EYS: variants seen among roughly 807,000 people sequenced by gnomAD.
The protein encoded by EYS is EGF-like photoreceptor maintenance factor.
A neutral mutation model predicts 282.1 loss-of-function variants in EYS; 250 were observed. That is an observed-to-expected ratio of 0.89 (90% CI 0.80 to 0.98). EYS has a LOEUF of 0.98. EYS is among the 50% of genes least tolerant of loss of function. EYS has a pLI of 0.00. For synonymous variants in EYS, 1,355 were observed against 1,282.9 expected (o/e 1.06, Z -1.20); for missense variants, 4,016 against 3,709.0 (o/e 1.08, Z -2.15).
chr6:64,790,542 G>C (rs912157811), intron 22 of EYS, among the ~76,000 whole-genome samples: 17 of 151,796 alleles, frequency 1.1e-4, no homozygotes, highest in African/African-American at 3.4e-4. Context: ...TGACTGAAAA[G>C]AAATAAATTT....
At chr6:63,827,708 G>T (rs1460302005) in intron 36 of EYS, among the ~76,000 whole-genome samples, 1 of 151,886 alleles carries the variant, frequency 6.6e-6, no homozygotes, top group African/African-American at 2.4e-5. Context: ...GCCGGGCGCT[G>T]TGGCGGGCGC....
chr6:65,167,982 A>G (rs1331011867), intron 12 of EYS, among the ~76,000 whole-genome samples: 1 of 151,120 alleles, frequency 6.6e-6, no homozygotes, highest in Non-Finnish European at 1.5e-5. Flanking sequence ...CAGCTTGTCA[A>G]TCTTACCATT....
intron 19 of EYS, among the ~76,000 whole-genome samples, chr6:64,870,422 C>A (rs1766557081): frequency 7.2e-6 from 1 of 138,692 alleles, no homozygotes; most frequent in African/African-American, 2.7e-5. Context: ...CCCTCCTCCC[C>A]CCTCCAAAAA....
intron 8 of EYS, among the ~76,000 whole-genome samples, chr6:65,370,099 A>T (rs1765080095): frequency 6.6e-6 from 1 of 151,494 alleles, no homozygotes; most frequent in Admixed American, 6.7e-5. Flanking sequence ...TTAGTAGATC[A>T]GCATAGCATG....
At chr6:64,489,352 A>G (rs898246130) in intron 26 of EYS, among the ~76,000 whole-genome samples, 3 of 150,694 alleles carry the variant, frequency 2.0e-5, no homozygotes, top group African/African-American at 7.3e-5. Flanking sequence ...GTGGTCAGAC[A>G]ATTGAGCTTT....
At chr6:64,049,732 G>A (rs1355202273) in intron 33 of EYS, among the ~76,000 whole-genome samples, 2 of 152,188 alleles carry the variant, frequency 1.3e-5, no homozygotes, top group African/African-American at 2.4e-5. Flanking sequence ...GCACTTGGCG[G>A]AGAAACTAGA....
intron 13 of EYS, among the ~76,000 whole-genome samples, chr6:65,001,895 C>T (rs149977090): frequency 0.017 from 2,442 of 146,920 alleles, 343 homozygotes; most frequent in Admixed American, 0.14. Flanking sequence ...TTATGAAATA[C>T]ATTAATATAT....
At chr6:64,812,896 C>A (rs1311763547) in intron 22 of EYS, among the ~76,000 whole-genome samples, 1 of 151,788 alleles carries the variant, frequency 6.6e-6, no homozygotes, top group Admixed American at 6.6e-5. Context: ...TAAAACTATA[C>A]CTTTAAAAAG....
chr6:64,345,426 A>C (rs1771344551), intron 29 of EYS, among the ~76,000 whole-genome samples: 1 of 152,124 alleles, frequency 6.6e-6, no homozygotes, highest in African/African-American at 2.4e-5. Flanking sequence ...TCTTTGACAA[A>C]CCTCACAAAA....
intron 41 of EYS, among the ~76,000 whole-genome samples, chr6:63,750,461 C>T (rs1229195255): frequency 6.6e-6 from 1 of 152,208 alleles, no homozygotes; most frequent in Non-Finnish European, 1.5e-5. Flanking sequence ...ATCTCTTACT[C>T]TCCTTGGAAT....
intron 22 of EYS, among the ~76,000 whole-genome samples, chr6:64,653,811 C>T (rs7758641): frequency 0.042 from 6,282 of 151,292 alleles, 306 homozygotes; most frequent in African/African-American, 0.11. Context: ...GTGATCATCC[C>T]GCCTCTGCCT....
chr6:65,025,857 G>A (rs750269421), intron 13 of EYS, among the ~76,000 whole-genome samples: 16 of 152,220 alleles, frequency 1.1e-4, no homozygotes, highest in South Asian at 6.2e-4. Flanking sequence ...ATACAAAGGA[G>A]GACCATTAGA....
intron 13 of EYS, among the ~76,000 whole-genome samples, chr6:65,056,220 T>G (rs1773409650): frequency 6.6e-6 from 1 of 152,026 alleles, no homozygotes; most frequent in African/African-American, 2.4e-5. Context: ...ATCTCAGACT[T>G]TTGTGTTTAA....
chr6:63,849,265 G>A (rs956209433), intron 36 of EYS, among the ~76,000 whole-genome samples: 1 of 152,168 alleles, frequency 6.6e-6, no homozygotes, highest in Non-Finnish European at 1.5e-5. Flanking sequence ...CCCAGCTTCA[G>A]CATACTTAAA....
At chr6:65,638,671 G>A (rs1051621471) in intron 2 of EYS, among the ~76,000 whole-genome samples, 3 of 152,348 alleles carry the variant, frequency 2.0e-5, no homozygotes, top group East Asian at 3.9e-4. Flanking sequence ...GCTGCCCACC[G>A]CGCTGCAGCA....
intron 20 of EYS, among the ~76,000 whole-genome samples, chr6:64,821,946 A>C (rs909689665): frequency 8.5e-5 from 13 of 152,194 alleles, no homozygotes; most frequent in African/African-American, 3.1e-4. Flanking sequence ...TGGCAATGAA[A>C]AGAATGAACA....
intron 41 of EYS, among the ~76,000 whole-genome samples, chr6:63,754,793 T>C (rs1348099782): frequency 1.3e-5 from 2 of 152,210 alleles, no homozygotes; most frequent in Non-Finnish European, 2.9e-5. Context: ...GTTGAACTAA[T>C]TTACACTCCC....
At chr6:65,234,787 T>C (rs1022797667) in intron 12 of EYS, among the ~76,000 whole-genome samples, 5 of 152,208 alleles carry the variant, frequency 3.3e-5, no homozygotes, top group Non-Finnish European at 5.9e-5. Flanking sequence ...CTCTGTGAGA[T>C]ATGTTGATGC....
At chr6:64,629,561 TAG>T (rs1767715647) in intron 22 of EYS, among the ~76,000 whole-genome samples, 1 of 152,192 alleles carries the variant, frequency 6.6e-6, no homozygotes, top group South Asian at 2.1e-4. Context: ...CGATATTTTA[TAG>T]TTTTCTACAC....
Sources: allele counts gnomAD v4.1 joint callset (sites outside exome capture counted in the v4.1 genomes callset), GRCh38; gene constraint gnomAD v4.1.1; transcripts MANE v1.5; gene names NCBI Gene and HGNC (gene_info 2026-07-23, HGNC 2026-07-21).